VAV3: variants seen among roughly 807,000 people sequenced by gnomAD.
The protein encoded by VAV3 is guanine nucleotide exchange factor VAV3.
A neutral mutation model predicts 131.2 loss-of-function variants in VAV3; 94 were observed. That is an observed-to-expected ratio of 0.72 (90% CI 0.61 to 0.85). The LOEUF (loss-of-function observed/expected upper bound fraction) is 0.85. Among genes scored for constraint, VAV3 ranks in the 40% least tolerant of loss-of-function variants. The probability of loss-of-function intolerance (pLI) is 0.00; values close to 1 mark genes in which losing one functional copy is unlikely to be tolerated. For synonymous variants in VAV3, 349 were observed against 342.0 expected, an observed-to-expected ratio of 1.02 and a Z score of -0.22; for missense variants, 939 against 1,002.7, an observed-to-expected ratio of 0.94 and a Z score of 0.86.
chr1:107,816,082 C>A (rs1455851440), intron 2 of VAV3, among the ~76,000 whole-genome samples: 2 of 152,136 alleles, frequency 1.3e-5, no homozygotes, highest in Non-Finnish European at 2.9e-5. Context: ...GCTCATCCAC[C>A]CCTCACCTCC....
At chr1:107,891,875 G>A (rs1283647530) in intron 1 of VAV3, among the ~76,000 whole-genome samples, 1 of 150,060 alleles carries the variant, frequency 6.7e-6, no homozygotes, top group Non-Finnish European at 1.5e-5. Flanking sequence ...GAGCTCAGGG[G>A]TCAGACCAGG....
Position 107,761,207 on chromosome 1 carries a change from G to A in VAV3, c.922-328C>T, listed in dbSNP as rs1439016077. ...GATCAAGACCATCCTGGCTAACATG[G>A]TGAAACCCCATCTCTACTGAAAATA... On this transcript the variant is annotated intron_variant, in intron 9 of 26. Coordinates refer to ENST00000370056, the MANE Select transcript of VAV3 (RefSeq NM_006113.5). Among the ~76,000 whole-genome samples the A allele has an allele frequency of 6.6e-5, 10 of 152,112 alleles. No individual in the cohort carries two copies. The East Asian group carries it at 1.6e-3, about 24-fold the overall frequency.
chr1:107,778,919 C>A (rs17020011), intron 3 of VAV3, among the ~76,000 whole-genome samples: 1 of 152,050 alleles, frequency 6.6e-6, no homozygotes, highest in Non-Finnish European at 1.5e-5. Context: ...TACTCTATTG[C>A]AAGGAGATGA....
chr1:107,943,791 G>A lies in VAV3; in HGVS notation c.204+20875C>T, dbSNP rs547025151. Among the ~76,000 whole-genome samples the A allele has an allele frequency of 2.2e-4, 34 of 152,314 alleles. No homozygotes were observed. In the South Asian group the frequency reaches 3.7e-3, roughly 17 times the overall value. ...TCTGTGGCTTTTACAGTTTGAAGTC[G>A]TGGCCTAGAGCCTTGACTGAAATAC... is the stretch of plus-strand genomic sequence containing the variant. On this transcript the variant is annotated intron_variant, in intron 1 of 26. Transcript: ENST00000370056.
At chr1:107,925,463 T>C (rs924806311) in intron 1 of VAV3, among the ~76,000 whole-genome samples, 7 of 152,174 alleles carry the variant, frequency 4.6e-5, no homozygotes, top group African/African-American at 1.2e-4. Context: ...GAACAAAATA[T>C]GGTGTATACA....
chr1:107,797,612 A>C (rs745320799), intron 2 of VAV3, among the ~76,000 whole-genome samples: 3 of 152,190 alleles, frequency 2.0e-5, no homozygotes, highest in Non-Finnish European at 4.4e-5. Flanking sequence ...ATAGTTATTA[A>C]TGGGTTATGT....
intron 17 of VAV3, among the ~76,000 whole-genome samples, chr1:107,697,994 G>C (rs1659850628): frequency 6.6e-6 from 1 of 152,186 alleles, no homozygotes; most frequent in African/African-American, 2.4e-5. Flanking sequence ...GCAGAGCCCA[G>C]TGGTAAGAAC....
At chr1:107,746,032 C>T (rs6695195) in intron 15 of VAV3, among the ~76,000 whole-genome samples, 21,222 of 152,108 alleles carry the variant, frequency 0.14, 1,669 homozygotes, top group South Asian at 0.26. Context: ...TTTTATTCTC[C>T]ATGACTTATC....
chr1:107,777,285 G>A lies in VAV3; in HGVS notation c.392C>T (p.Thr131Ile), dbSNP rs750112835. The A allele has an allele frequency of 1.2e-6, 2 of 1,613,906 alleles. No individual in the cohort carries two copies. The highest frequency in any genetic ancestry group is 2.2e-5 in the East Asian group (1 of 44,876). The stretch of plus-strand genomic sequence containing the variant: ...GTCTTCATCATTAATGCTTTCTTCT[G>A]TTGGGAAGGGCCTAGGAAGAGGAGA... ...ALATGIRPFP[T>I]EESINDEDIY... The change falls in exon 4 of 27, where the codon ACA (threonine) becomes ATA (isoleucine). Residue 131 changes from threonine to isoleucine, a missense_variant. By Grantham distance (89) the Thr-to-Ile change is moderately conservative. Transcript: ENST00000370056.
intron 4 of VAV3, among the ~76,000 whole-genome samples, chr1:107,773,594 G>A (rs910457944): frequency 6.6e-6 from 1 of 152,162 alleles, no homozygotes; most frequent in African/African-American, 2.4e-5. Flanking sequence ...AGAGATAGGA[G>A]ACTGGGACAA....
At chr1:107,722,706 T>C (rs773615073) in intron 15 of VAV3, among the ~76,000 whole-genome samples, 3 of 152,014 alleles carry the variant, frequency 2.0e-5, no homozygotes, top group Non-Finnish European at 2.9e-5. Context: ...TGAGGTGAGG[T>C]TCTATGATGA....
intron 22 of VAV3, among the ~76,000 whole-genome samples, chr1:107,606,219 T>C (rs1181271678): frequency 1.3e-5 from 2 of 152,210 alleles, no homozygotes; most frequent in African/African-American, 2.4e-5. Flanking sequence ...GCAATATTCA[T>C]AGTTTGGTTA....
intron 15 of VAV3, among the ~76,000 whole-genome samples, chr1:107,712,748 CCT>C (rs1660860305): frequency 6.6e-6 from 1 of 151,984 alleles, no homozygotes; most frequent in African/African-American, 2.4e-5. Context: ...AAGTAAAGTC[CCT>C]GACTAATGTT....
chr1:107,606,803 C>CTTTTTTT (rs34849497), intron 22 of VAV3, among the ~76,000 whole-genome samples: 13 of 58,014 alleles, frequency 2.2e-4, no homozygotes, highest in South Asian at 8.6e-4. Context: ...ATGGTTTCTT[C>CTTTTTTT]TTTTTTTTTT....
chr1:107,572,004 A>T lies in VAV3; in HGVS notation c.*1327T>A, dbSNP rs1649295173. On this transcript the variant is annotated 3_prime_UTR_variant, in exon 27 of 27. Coordinates refer to ENST00000370056, the MANE Select transcript of VAV3 (RefSeq NM_006113.5). ...TTTTTTCCCAACATGTAACTCTCTC[A>T]GTCTTGTCAGAACACAACTTCTGCT... 3 of 152,270 alleles carry T rather than the reference A, an allele frequency of 2.0e-5. No homozygotes were observed. The highest frequency in any genetic ancestry group is 7.2e-5 in the African/African-American group (3 of 41,452). 9.4% of individuals were successfully genotyped at this position (152,270 alleles called of 1,614,324 possible).
intron 18 of VAV3, among the ~76,000 whole-genome samples, chr1:107,686,686 T>A (rs573331252): frequency 6.6e-6 from 1 of 152,178 alleles, no homozygotes; most frequent in African/African-American, 2.4e-5. Context: ...ATTATACTTA[T>A]ATTGAAGAGT....
intron 2 of VAV3, among the ~76,000 whole-genome samples, chr1:107,825,655 A>G (rs1471288122): frequency 1.3e-5 from 2 of 152,094 alleles, no homozygotes; most frequent in Non-Finnish European, 2.9e-5. Flanking sequence ...TCCTACCCCA[A>G]TGCCTCTGCC....
intron 20 of VAV3, among the ~76,000 whole-genome samples, chr1:107,630,308 T>A (rs1654362453): frequency 6.6e-6 from 1 of 151,696 alleles, no homozygotes; most frequent in African/African-American, 2.4e-5. Context: ...AGTATATGAA[T>A]GGATGAATGG....
At chr1:107,756,071 G>C (rs1369078084) in intron 11 of VAV3, among the ~76,000 whole-genome samples, 1 of 152,092 alleles carries the variant, frequency 6.6e-6, no homozygotes, top group Non-Finnish European at 1.5e-5. Context: ...GTAAAGGAGA[G>C]GTGAGGAACT....
Sources: gnomAD v4.1 joint callset for allele counts (sites outside exome capture counted in the v4.1 genomes callset) on GRCh38, gnomAD v4.1.1 for gene constraint, MANE v1.5 for transcripts, NCBI Gene and HGNC (gene_info 2026-07-23, HGNC 2026-07-21) for gene names.